The following HYLS1 variants were observed in gnomAD, a reference collection of about 807,000 sequenced individuals.
HYLS1 encodes HYLS1 centriolar and ciliogenesis associated.
A neutral mutation model predicts 29.4 loss-of-function variants in HYLS1; 25 were observed. The ratio of observed to expected loss-of-function variants is 0.85; its 90% CI spans 0.62 to 1.19. The LOEUF (loss-of-function observed/expected upper bound fraction) is 1.19, where lower values mean the gene tolerates loss of function less well. Ranked by LOEUF, HYLS1 falls within the 50% of genes most tolerant of loss-of-function variation. HYLS1 has a pLI of 0.00. For missense variants in HYLS1, 352 were observed against 365.1 expected, an observed-to-expected ratio of 0.96 and a Z score of 0.29; for synonymous variants, 128 against 126.7, an observed-to-expected ratio of 1.01 and a Z score of -0.07.
In HYLS1 at chr11:125,899,427, T is replaced by A. The variant is rs772689059; in HGVS notation, c.59T>A (p.Met20Lys). Reference protein sequence around the residue: ...IWANMDPEERMLAAATAFTHI... With the variant: ...IWANMDPEERKLAAATAFTHI... Reference sequence around the variant, plus strand: ...GCTAATATGGATCCAGAAGAACGAATGTTGGCAGCTGCTACAGCTTTTACC... The same window carrying A: ...GCTAATATGGATCCAGAAGAACGAAAGTTGGCAGCTGCTACAGCTTTTACC... Residue 20 changes from methionine to lysine, a missense_variant, in exon 3 of 3, where the codon ATG (methionine) becomes AAG (lysine). Physicochemically the swap from Met to Lys is moderately conservative, Grantham distance 95. Transcript: ENST00000425380. The A allele has an allele frequency of 2.5e-5, 40 of 1,614,204 alleles. No individual in the cohort carries two copies. Among genetic ancestry groups the A allele is most frequent in the Non-Finnish European group, 3.2e-5 (38 of 1,180,032 alleles).
intron 1 of HYLS1, among the ~76,000 whole-genome samples, chr11:125,888,801 CAT>C (rs1366269021): frequency 1.4e-5 from 2 of 146,670 alleles, no homozygotes; most frequent in Non-Finnish European, 3.0e-5. Flanking sequence ...AAAAGAAAAA[CAT>C]AAATCAGAAT....
chr11:125,898,375 A>T (rs1459171202), intron 2 of HYLS1, among the ~76,000 whole-genome samples: 3 of 152,210 alleles, frequency 2.0e-5, no homozygotes, highest in Admixed American at 6.5e-5. Context: ...TTTAGCTGGC[A>T]ACTGAAGATG....
In HYLS1 at chr11:125,887,717, G is replaced by C. The variant is rs896380421; in HGVS notation, c.-124G>C. ...AAGCTAACAGAATCTGCGGTGCTCT[G>C]CTGGCGACTGGCAGGACGCGGTGCA... On this transcript the variant is annotated 5_prime_UTR_variant, in exon 1 of 3. Coordinates refer to ENST00000425380, the MANE Select transcript of HYLS1 (RefSeq NM_001134793.2). 1 of 152,420 alleles carries C rather than the reference G, an allele frequency of 6.6e-6. No homozygotes were observed. The highest frequency in any genetic ancestry group is 6.5e-5 in the Admixed American group (1 of 15,314). 9.4% of individuals were successfully genotyped at this position (152,420 alleles called of 1,614,324 possible).
chr11:125,887,446 CGG>C (rs963113133), upstream of HYLS1: 24 of 152,252 alleles, frequency 1.6e-4, no homozygotes, highest in Admixed American at 1.4e-3. Flanking sequence ...CTCAGCTAGG[CGG>C]GCTCGGATAT....
At chr11:125,890,094 C>T (rs1175394267) in intron 1 of HYLS1, among the ~76,000 whole-genome samples, 2 of 152,038 alleles carry the variant, frequency 1.3e-5, no homozygotes, top group Admixed American at 6.6e-5. Context: ...TATGCCACCA[C>T]GCCTAGCTAA....
At position 125,899,538 on chromosome 11, in the gene HYLS1, C is replaced by T. The variant is rs1425448193; in HGVS notation, c.170C>T (p.Ala57Val). 6.2e-7 allele frequency: 1 copy of T among 1,614,108 alleles called. No individual in the cohort carries two copies. Among genetic ancestry groups the T allele is most frequent in the African/African-American group, 1.3e-5 (1 of 75,034 alleles). The change falls in exon 3 of 3, where the codon GCC (alanine) becomes GTC (valine). Residue 57 changes from alanine (A) to valine (V), a missense_variant. Coordinates refer to ENST00000425380, the MANE Select transcript of HYLS1 (RefSeq NM_001134793.2). ...GATCCCTACAGTAAAGCTTCAGTAGCCCCAGGGAAGCGACCTGCTCTTCCT... is the reference window on the plus strand; with the variant it reads ...GATCCCTACAGTAAAGCTTCAGTAGTCCCAGGGAAGCGACCTGCTCTTCCT... The part of the protein sequence containing the change: ...QYDPYSKASV[A>V]PGKRPALPVQ...
At chr11:125,898,824 G>A (rs1392474639) in intron 2 of HYLS1, among the ~76,000 whole-genome samples, 2 of 151,850 alleles carry the variant, frequency 1.3e-5, no homozygotes, top group Non-Finnish European at 2.9e-5. Context: ...TCAGTCTGAA[G>A]CCAAACTGCT....
intron 2 of HYLS1, chr11:125,893,616 T>G: frequency 1.8e-6 from 1 of 548,418 alleles, no homozygotes; most frequent in Non-Finnish European, 3.1e-6. Context: ...ATTTGAAATT[T>G]CTTATTAAAG....
upstream of HYLS1, chr11:125,883,942 G>A (rs1007846824): frequency 1.3e-5 from 2 of 152,172 alleles, no homozygotes; most frequent in African/African-American, 4.8e-5. Flanking sequence ...AGTTCATAAA[G>A]AAGTTGATGA....
chr11:125,888,213 CCTTCT>C (rs1188864505), intron 1 of HYLS1: 2 of 152,286 alleles, frequency 1.3e-5, no homozygotes, highest in African/African-American at 4.8e-5. Flanking sequence ...TGTCTTGTCG[CCTTCT>C]AGCTGCACCT....
intron 2 of HYLS1, among the ~76,000 whole-genome samples, chr11:125,896,553 T>C (rs1944597468): frequency 6.6e-6 from 1 of 152,236 alleles, no homozygotes; most frequent in Non-Finnish European, 1.5e-5. Context: ...CAGTTGTCAT[T>C]ATTAAGGTTT....
intron 1 of HYLS1, among the ~76,000 whole-genome samples, chr11:125,888,435 G>A (rs549179965): frequency 4.6e-5 from 7 of 152,294 alleles, no homozygotes; most frequent in African/African-American, 1.7e-4. Context: ...CCTGTGTGCT[G>A]GGGATAATCT....
At chr11:125,892,306 C>T (rs1050348828) in intron 2 of HYLS1, among the ~76,000 whole-genome samples, 2 of 152,126 alleles carry the variant, frequency 1.3e-5, no homozygotes, top group Admixed American at 6.6e-5. Flanking sequence ...GTGGTGAACA[C>T]TCACTTTAGT....
chr11:125,897,215 G>C (rs767968867), intron 2 of HYLS1, among the ~76,000 whole-genome samples: 3 of 152,100 alleles, frequency 2.0e-5, no homozygotes, highest in Non-Finnish European at 4.4e-5. Context: ...AGGTAGCTTA[G>C]TTTTTTACTA....
chr11:125,891,967 G>C (rs1320551836), intron 2 of HYLS1, among the ~76,000 whole-genome samples: 1 of 152,146 alleles, frequency 6.6e-6, no homozygotes, highest in Non-Finnish European at 1.5e-5. Flanking sequence ...ATTGTCCCAT[G>C]TGTTATTTGC....
intron 2 of HYLS1, chr11:125,895,805 A>C (rs775453490): frequency 2.5e-6 from 4 of 1,586,148 alleles, no homozygotes; most frequent in Non-Finnish European, 3.4e-6. Flanking sequence ...GAGTTAGACA[A>C]AGATACTGGG....
chr11:125,887,406 G>A (rs1277541317), upstream of HYLS1: 1 of 152,238 alleles, frequency 6.6e-6, no homozygotes, highest in Admixed American at 6.5e-5. Flanking sequence ...TACACCAGAG[G>A]CGTCGCAGCA....
intron 1 of HYLS1, among the ~76,000 whole-genome samples, chr11:125,890,242 G>GC (rs11436480): frequency 0.81 from 122,991 of 152,096 alleles, 50,499 homozygotes; most frequent in Admixed American, 0.89. Flanking sequence ...ACTGCGCCCA[G>GC]CTGTTTGTTA....
upstream of HYLS1, chr11:125,887,391 T>G (rs1944323180): frequency 6.6e-6 from 1 of 152,188 alleles, no homozygotes. Flanking sequence ...CCCCTCCAGA[T>G]TTAGTACACC....
Sources: allele counts gnomAD v4.1 joint callset (sites outside exome capture counted in the v4.1 genomes callset), GRCh38; gene constraint gnomAD v4.1.1; transcripts MANE v1.5; gene names NCBI Gene and HGNC (gene_info 2026-07-23, HGNC 2026-07-21).